BACH2: variants seen among roughly 807,000 people sequenced by gnomAD.
BACH2 encodes transcription regulator protein BACH2.
BACH2 carries 5 observed loss-of-function variants against 61.8 expected under a neutral mutation model. The observed-to-expected ratio is 0.08, with a 90% CI of 0.04 to 0.17. The LOEUF (loss-of-function observed/expected upper bound fraction) is 0.17, where lower values mean the gene tolerates loss of function less well. BACH2 is among the 10% of genes least tolerant of loss of function. BACH2 has a pLI of 1.00. For synonymous variants in BACH2, 446 were observed against 440.1 expected (o/e 1.01, Z -0.17); for missense variants, 824 against 1,091.1 (o/e 0.76, Z 3.45).
At chr6:89,981,908 A>C (rs996946831) in intron 6 of BACH2, among the ~76,000 whole-genome samples, 6 of 152,126 alleles carry the variant, frequency 3.9e-5, no homozygotes, top group Non-Finnish European at 7.4e-5. Context: ...GACTGAAGAA[A>C]GGGATATGGG....
At chr6:90,021,417 T>C (rs1366204209) in intron 5 of BACH2, among the ~76,000 whole-genome samples, 8 of 151,838 alleles carry the variant, frequency 5.3e-5, no homozygotes, top group African/African-American at 1.9e-4. Flanking sequence ...GTGCTTCAGA[T>C]GAAAAGAAAT....
intron 4 of BACH2, among the ~76,000 whole-genome samples, chr6:90,194,374 G>A (rs940502959): frequency 1.3e-5 from 2 of 151,762 alleles, no homozygotes; most frequent in African/African-American, 4.8e-5. Context: ...ACTATCTTCG[G>A]TAAGACTTAG....
chr6:90,033,639 G>A (rs1162401743), intron 5 of BACH2, among the ~76,000 whole-genome samples: 8 of 151,910 alleles, frequency 5.3e-5, no homozygotes, highest in Non-Finnish European at 2.9e-5. Flanking sequence ...CAGCATATGC[G>A]TTGTTAAATT....
intron 6 of BACH2, among the ~76,000 whole-genome samples, chr6:89,963,684 T>C (rs1416683737): frequency 1.3e-5 from 2 of 152,210 alleles, no homozygotes; most frequent in African/African-American, 4.8e-5. Context: ...AACTACCATA[T>C]GATCCAGCAA....
chr6:89,958,126 T>C (rs189504948), intron 6 of BACH2, among the ~76,000 whole-genome samples: 243 of 152,284 alleles, frequency 1.6e-3, no homozygotes, highest in Middle Eastern at 3.4e-3. Flanking sequence ...ATTCAGTCAC[T>C]TATAATTTTT....
intron 5 of BACH2, among the ~76,000 whole-genome samples, chr6:90,043,136 T>C (rs573064462): frequency 6.6e-6 from 1 of 152,190 alleles, no homozygotes; most frequent in Non-Finnish European, 1.5e-5. Flanking sequence ...GGGAGGATCA[T>C]GTTTGGGGGC....
At chr6:90,177,871 T>C (rs2127839947) in intron 4 of BACH2, among the ~76,000 whole-genome samples, 1 of 152,306 alleles carries the variant, frequency 6.6e-6, no homozygotes, top group Middle Eastern at 3.4e-3. Flanking sequence ...ACCTAGGTAC[T>C]CTTTCTAGAT....
At chr6:90,120,384 T>TA (rs1446265251) in intron 4 of BACH2, among the ~76,000 whole-genome samples, 7 of 152,118 alleles carry the variant, frequency 4.6e-5, no homozygotes, top group African/African-American at 1.4e-4. Flanking sequence ...AAATTTGAAA[T>TA]AAAAAACCCT....
chr6:90,180,591 C>T (rs1768124131), intron 4 of BACH2, among the ~76,000 whole-genome samples: 1 of 152,146 alleles, frequency 6.6e-6, no homozygotes, highest in Non-Finnish European at 1.5e-5. Flanking sequence ...TTTGTGTACC[C>T]ATAGCTTAGC....
chr6:90,212,489 C>T (rs1379395699), intron 3 of BACH2, among the ~76,000 whole-genome samples: 1 of 152,206 alleles, frequency 6.6e-6, no homozygotes, highest in Non-Finnish European at 1.5e-5. Flanking sequence ...CGCCACCCCA[C>T]ATGGAGGCAG....
At chr6:90,049,728 T>A (rs1401613486) in intron 5 of BACH2, among the ~76,000 whole-genome samples, 2 of 152,170 alleles carry the variant, frequency 1.3e-5, no homozygotes, top group Non-Finnish European at 2.9e-5. Context: ...GCAGTAAAAA[T>A]TATTATTTGT....
At chr6:90,094,095 C>T (rs886663327) in intron 4 of BACH2, among the ~76,000 whole-genome samples, 14 of 152,052 alleles carry the variant, frequency 9.2e-5, no homozygotes, top group South Asian at 6.2e-4. Context: ...AAGAAAAGTC[C>T]GAGGAACCGC....
intron 5 of BACH2, among the ~76,000 whole-genome samples, chr6:90,031,296 G>C (rs908831640): frequency 8.5e-5 from 13 of 152,090 alleles, no homozygotes; most frequent in African/African-American, 2.9e-4. Flanking sequence ...ATTGGCACAA[G>C]ACAGGGATGC....
chr6:90,249,497 G>A (rs1477015808), intron 3 of BACH2, among the ~76,000 whole-genome samples: 5 of 152,158 alleles, frequency 3.3e-5, no homozygotes, highest in Non-Finnish European at 4.4e-5. Context: ...CAGGCCAGGC[G>A]CAGTGGCTCA....
At chr6:89,948,194 G>A (rs1017510325) in intron 7 of BACH2, among the ~76,000 whole-genome samples, 2 of 151,978 alleles carry the variant, frequency 1.3e-5, no homozygotes, top group East Asian at 1.9e-4. Flanking sequence ...ACCCTCCCTT[G>A]AGCTTAATGG....
At chr6:90,133,024 A>G (rs779019034) in intron 4 of BACH2, among the ~76,000 whole-genome samples, 3 of 152,226 alleles carry the variant, frequency 2.0e-5, no homozygotes, top group Non-Finnish European at 4.4e-5. Context: ...TGATAAGTAG[A>G]GTACTTCCTT....
At chr6:90,232,379 A>G (rs987162245) in intron 3 of BACH2, among the ~76,000 whole-genome samples, 1 of 152,226 alleles carries the variant, frequency 6.6e-6, no homozygotes, top group African/African-American at 2.4e-5. Flanking sequence ...TAGCTGACAA[A>G]GCATTGAAAT....
At chr6:89,935,769 A>G (rs191256178) in intron 8 of BACH2, among the ~76,000 whole-genome samples, 1 of 152,256 alleles carries the variant, frequency 6.6e-6, no homozygotes, top group East Asian at 1.9e-4. Flanking sequence ...CAAATTACCA[A>G]AACCAGGCAT....
intron 5 of BACH2, among the ~76,000 whole-genome samples, chr6:90,011,885 A>T (rs941471316): frequency 1.4e-5 from 2 of 147,444 alleles, no homozygotes; most frequent in African/African-American, 5.0e-5. Flanking sequence ...ACACCACTGC[A>T]CTCCAGCCTG....
Sources: allele counts gnomAD v4.1 joint callset (sites outside exome capture counted in the v4.1 genomes callset), GRCh38; gene constraint gnomAD v4.1.1; transcripts MANE v1.5; gene names NCBI Gene and HGNC (gene_info 2026-07-23, HGNC 2026-07-21).